The following SCN8A variants were observed in gnomAD, a reference collection of about 807,000 sequenced individuals.
SCN8A encodes the protein sodium voltage-gated channel alpha subunit 8.
In SCN8A, 30 loss-of-function variants were observed where a neutral mutation model predicts 184.1. The ratio of observed to expected loss-of-function variants is 0.16; its 90% CI spans 0.12 to 0.22. SCN8A has a LOEUF of 0.22. SCN8A is among the 10% of genes least tolerant of loss of function. The pLI is 1.00. For synonymous variants in SCN8A, 852 were observed against 907.0 expected (o/e 0.94, Z 1.09); for missense variants, 1,057 against 2,498.9 (o/e 0.42, Z 12.30).
Position 51,770,693 on chromosome 12 carries a change from A to C in SCN8A, c.3645+10A>C, listed in dbSNP as rs1942912454. The stretch of plus-strand genomic sequence containing the variant: ...GAGCAGTGGCGCCCTGGTGAGGTCC[A>C]GGGGAGAGTGTGAGGAGGGATTGGC... On this transcript the variant is annotated intron_variant, in intron 19 of 26. Transcript: ENST00000627620. 1 of 1,613,096 alleles carries C rather than the reference A, an allele frequency of 6.2e-7. No individual in the cohort carries two copies. Among genetic ancestry groups the C allele is most frequent in the African/African-American group, 1.3e-5 (1 of 74,892 alleles).
At chr12:51,684,996 A>G (rs979147343) in intron 3 of SCN8A, among the ~76,000 whole-genome samples, 5 of 152,332 alleles carry the variant, frequency 3.3e-5, no homozygotes, top group Admixed American at 6.5e-5. Flanking sequence ...AACAGCATGT[A>G]GTCCCATGCT....
intron 1 of SCN8A, among the ~76,000 whole-genome samples, chr12:51,659,406 C>T (rs2138666078): frequency 6.6e-6 from 1 of 152,220 alleles, no homozygotes; most frequent in Non-Finnish European, 1.5e-5. Flanking sequence ...TACATATGTA[C>T]AAAATAAGCT....
rs1939210940 is a variant in SCN8A, at chr12:51,591,340, C to G, written c.-74C>G. On this transcript the variant is annotated 5_prime_UTR_variant, in exon 1 of 27. Transcript: ENST00000627620. ...CCCCGCGTTAGGGCCGCCGCTGCCTCCCTCGCCGCCGCCGCTGCCGTAAGT... is the reference window on the plus strand; with the variant it reads ...CCCCGCGTTAGGGCCGCCGCTGCCTGCCTCGCCGCCGCCGCTGCCGTAAGT... The G allele has an allele frequency of 6.4e-6, 1 of 155,626 alleles. No homozygotes were observed. The highest frequency in any genetic ancestry group is 6.5e-5 in the Admixed American group (1 of 15,288). The allele number at this position is 155,626 out of a possible 1,614,324, so 9.6% of individuals were successfully genotyped here.
In SCN8A at chr12:51,812,751, T is replaced by G. The variant is rs1470887349; in HGVS notation, c.*5322T>G. On this transcript the variant is annotated 3_prime_UTR_variant, in exon 27 of 27. Coordinates refer to ENST00000627620, the MANE Select transcript of SCN8A (RefSeq NM_001330260.2). ...GGCAGAAATGCTTGAGAAATGAGAA[T>G]GTGTAAGTGGATTGGAAGTTTATAG... The G allele has an allele frequency of 6.6e-6, 1 of 152,290 alleles. No individual in the cohort carries two copies. The highest frequency in any genetic ancestry group is 1.9e-4 in the East Asian group (1 of 5,204). 9.4% of individuals were successfully genotyped at this position (152,290 alleles called of 1,614,324 possible).
intron 1 of SCN8A, among the ~76,000 whole-genome samples, chr12:51,595,781 T>C (rs1288205843): frequency 1.2e-4 from 19 of 152,206 alleles, no homozygotes; most frequent in Non-Finnish European, 2.8e-4. Context: ...TTTGACGTAG[T>C]ATATATGTAC....
chr12:51,678,039 C>T (rs754104240), intron 2 of SCN8A, among the ~76,000 whole-genome samples: 2 of 152,190 alleles, frequency 1.3e-5, no homozygotes, highest in Non-Finnish European at 2.9e-5. Context: ...GGCGTTAGAG[C>T]GTAGTGTTGA....
intron 11 of SCN8A, chr12:51,713,397 G>T: frequency 1.1e-6 from 1 of 929,098 alleles, no homozygotes; most frequent in Non-Finnish European, 1.8e-6. Context: ...ATTTTGTTTG[G>T]GGGTCTCTCA....
chr12:51,782,724 G>A (rs1249068092), intron 21 of SCN8A, among the ~76,000 whole-genome samples: 1 of 152,162 alleles, frequency 6.6e-6, no homozygotes, highest in Non-Finnish European at 1.5e-5. Context: ...GGCCGCTGAG[G>A]CCAGTTTGCT....
At chr12:51,786,077 G>T (rs116960497) in intron 21 of SCN8A, among the ~76,000 whole-genome samples, 3,098 of 152,232 alleles carry the variant, frequency 0.02, 69 homozygotes, top group Non-Finnish European at 0.023. Flanking sequence ...ATTATGTACT[G>T]TTAACTGGCT....
chr12:51,796,820 T>G (rs1938423752), intron 26 of SCN8A, among the ~76,000 whole-genome samples: 1 of 151,814 alleles, frequency 6.6e-6, no homozygotes, highest in African/African-American at 2.4e-5. Context: ...GAACTCAGAG[T>G]CTTATGTTCG....
intron 12 of SCN8A, among the ~76,000 whole-genome samples, chr12:51,723,544 A>G (rs1942108295): frequency 6.6e-6 from 1 of 152,186 alleles, no homozygotes; most frequent in African/African-American, 2.4e-5. Context: ...TTTATAAGCT[A>G]CAAATTACTC....
Position 51,660,874 on chromosome 12 carries a change from CTG to C in SCN8A, c.-54-1887_-54-1886del, listed in dbSNP as rs1487868750. Among the ~76,000 whole-genome samples the C allele has an allele frequency of 5.9e-5, 9 of 152,090 alleles. 1 individual carries two copies. The highest frequency in any genetic ancestry group is 1.7e-4 in the African/African-American group (7 of 41,472). ...AGTCAAGGCTGAGTTGGTGGGAAGA[CTG>C]TGGAGGAGTAGGGATTTATTGGGGG... On this transcript the variant is annotated intron_variant, in intron 1 of 26. Coordinates refer to ENST00000627620, the MANE Select transcript of SCN8A (RefSeq NM_001330260.2).
In SCN8A at chr12:51,721,847, A is replaced by G. The variant is rs1565900032; in HGVS notation, c.1937A>G (p.Asn646Ser). 6.2e-7 allele frequency: 1 copy of G among 1,604,316 alleles called. No individual in the cohort carries two copies. Among genetic ancestry groups the G allele is most frequent in the Non-Finnish European group, 8.5e-7 (1 of 1,179,772 alleles). Residue 646 changes from asparagine to serine, a missense_variant, in exon 12 of 27, where the codon AAC becomes AGC. Coordinates refer to ENST00000627620, the MANE Select transcript of SCN8A (RefSeq NM_001330260.2). ...AAGCGCAACAGCACGGTGGACTGCAACGGCGTGGTGTCCCTCATCGGCGGC... is the reference window on the plus strand; with the variant it reads ...AAGCGCAACAGCACGGTGGACTGCAGCGGCGTGGTGTCCCTCATCGGCGGC... ...SVKRNSTVDC[N>S]GVVSLIGGPG...
intron 1 of SCN8A, among the ~76,000 whole-genome samples, chr12:51,627,986 C>T (rs1940117245): frequency 6.6e-6 from 1 of 152,120 alleles, no homozygotes; most frequent in South Asian, 2.1e-4. Flanking sequence ...GAGACTAATG[C>T]TAAAGCAGGA....
chr12:51,629,864 T>C (rs957133987), intron 1 of SCN8A, among the ~76,000 whole-genome samples: 1 of 152,048 alleles, frequency 6.6e-6, no homozygotes, highest in African/African-American at 2.4e-5. Context: ...GAGGTGTGAA[T>C]TAGTTGTGGC....
chr12:51,736,782 G>A (rs544235486), intron 12 of SCN8A, among the ~76,000 whole-genome samples: 2 of 152,320 alleles, frequency 1.3e-5, no homozygotes, highest in South Asian at 4.2e-4. Flanking sequence ...TTAACCGTGT[G>A]GAGTGAACCA....
intron 21 of SCN8A, among the ~76,000 whole-genome samples, chr12:51,785,033 T>C (rs1938045462): frequency 6.6e-6 from 1 of 152,226 alleles, no homozygotes; most frequent in Non-Finnish European, 1.5e-5. Flanking sequence ...TTTTGAATCT[T>C]TACCTAATCT....
chr12:51,777,912 C>G (rs547013296), intron 20 of SCN8A, among the ~76,000 whole-genome samples: 4 of 152,338 alleles, frequency 2.6e-5, no homozygotes, highest in Admixed American at 1.3e-4. Context: ...AGCTTCCCTT[C>G]AGATATACTT....
intron 1 of SCN8A, among the ~76,000 whole-genome samples, chr12:51,647,081 C>T (rs890304179): frequency 2.0e-5 from 3 of 152,100 alleles, no homozygotes; most frequent in African/African-American, 4.8e-5. Flanking sequence ...TGGTGGCATG[C>T]ACCAGTAGTC....
Sources: gnomAD v4.1 joint callset for allele counts (sites outside exome capture counted in the v4.1 genomes callset) on GRCh38, gnomAD v4.1.1 for gene constraint, MANE v1.5 for transcripts, NCBI Gene and HGNC (gene_info 2026-07-23, HGNC 2026-07-21) for gene names.